NDNF: variants seen among roughly 807,000 people sequenced by gnomAD.
NDNF encodes the protein neuron derived neurotrophic factor.
Under a neutral mutation model 42.0 loss-of-function variants are expected in NDNF, and 16 were observed. The observed-to-expected ratio is 0.38, with a 90% CI of 0.26 to 0.58. The LOEUF (loss-of-function observed/expected upper bound fraction) is 0.58. Ranked by LOEUF, NDNF falls within the 20% of genes least tolerant of loss-of-function variation. The pLI is 0.67. For synonymous variants in NDNF, 248 were observed against 251.7 expected (o/e 0.99, Z 0.14); for missense variants, 616 against 666.2 (o/e 0.92, Z 0.83).
Position 121,037,413 on chromosome 4 carries a change from T to C in NDNF, c.558A>G (p.Ser186=). ...LPYDPRVDVT[S]LGRTTVTLAW... ...CCAAAGTGACCGTGGTGCGCCCCAG[T>C]GAGGTCACATCTACTCTTGGGTCAT... is the stretch of plus-strand genomic sequence containing the variant. Residue 186 remains serine, a synonymous_variant, in exon 4 of 4, where the codon TCA becomes TCG. Transcript: ENST00000379692. 10 of 1,614,128 alleles carry C rather than the reference T, an allele frequency of 6.2e-6. No homozygotes were observed. The highest frequency in any genetic ancestry group is 8.5e-6 in the Non-Finnish European group (10 of 1,180,006).
At chr4:121,065,490 C>G (rs1296896712) in intron 1 of NDNF, among the ~76,000 whole-genome samples, 1 of 151,840 alleles carries the variant, frequency 6.6e-6, no homozygotes. Context: ...AATTAAAAGA[C>G]AAGCTTTTAA....
At chr4:121,051,768 C>T (rs1727198721) in intron 1 of NDNF, among the ~76,000 whole-genome samples, 1 of 152,096 alleles carries the variant, frequency 6.6e-6, no homozygotes, top group Non-Finnish European at 1.5e-5. Context: ...ATAAATCTGG[C>T]TAATTTTTTT....
chr4:121,071,225 G>A (rs1237009294), intron 1 of NDNF, among the ~76,000 whole-genome samples: 1 of 152,134 alleles, frequency 6.6e-6, no homozygotes, highest in Non-Finnish European at 1.5e-5. Context: ...CGAGTCTCCT[G>A]GCTGGGGCCG....
Position 121,062,341 on chromosome 4 carries a change from C to T in NDNF, c.-2+9652G>A, listed in dbSNP as rs529724569. Among the ~76,000 whole-genome samples, 12 of 152,242 alleles carry T rather than the reference C, an allele frequency of 7.9e-5. No individual in the cohort carries two copies. In the South Asian group the frequency reaches 2.3e-3, roughly 29 times the overall value. On this transcript the variant is annotated intron_variant, in intron 1 of 3. Transcript: ENST00000379692. ...AAACTGATCAACACTGGTTCAAAGC[C>T]GAGCGTGCTTGGGCTTTTTAGGCAC... is the stretch of plus-strand genomic sequence containing the variant.
At chr4:121,039,145 G>A (rs34084522) in intron 3 of NDNF, among the ~76,000 whole-genome samples, 60,771 of 85,850 alleles carry the variant, frequency 0.71, 20,406 homozygotes, top group East Asian at 0.83. Context: ...ATATATATGT[G>A]TATATATATA....
intron 1 of NDNF, chr4:121,071,289 G>C (rs753846464): frequency 1.3e-5 from 2 of 152,160 alleles, no homozygotes; most frequent in Non-Finnish European, 2.9e-5. Context: ...GTATGAGCCG[G>C]TCCCAGGCCA....
intron 1 of NDNF, among the ~76,000 whole-genome samples, chr4:121,071,107 G>C (rs972075362): frequency 3.9e-5 from 6 of 152,266 alleles, no homozygotes; most frequent in Admixed American, 3.9e-4. Context: ...GCAATCACTC[G>C]TTCGGACTCC....
At chr4:121,037,839 A>G in intron 3 of NDNF, 182 bp from the exon 4 acceptor site, 1 of 500,704 alleles carries the variant, frequency 2.0e-6, no homozygotes, top group East Asian at 3.1e-5. Context: ...ATGTTCTTAT[A>G]TATGTGTAAG....
chr4:121,056,939 G>C (rs113427192), intron 1 of NDNF, among the ~76,000 whole-genome samples: 295 of 152,332 alleles, frequency 1.9e-3, no homozygotes, highest in Non-Finnish European at 3.4e-3. Context: ...CAACAGAAAA[G>C]AGCAAGTGTG....
intron 2 of NDNF, among the ~76,000 whole-genome samples, chr4:121,043,537 T>C (rs1200945670): frequency 6.6e-6 from 1 of 152,120 alleles, no homozygotes; most frequent in Non-Finnish European, 1.5e-5. Context: ...AAAGAATGAA[T>C]AAATGAGAGA....
intron 3 of NDNF, among the ~76,000 whole-genome samples, chr4:121,038,598 C>A (rs1348408147): frequency 6.6e-6 from 1 of 152,016 alleles, no homozygotes; most frequent in Non-Finnish European, 1.5e-5. Flanking sequence ...GAGAAGAAAC[C>A]TTTTCCAGCT....
chr4:121,070,356 C>A (rs957780726), intron 1 of NDNF, among the ~76,000 whole-genome samples: 2 of 152,182 alleles, frequency 1.3e-5, no homozygotes, highest in Non-Finnish European at 1.5e-5. Context: ...CAACCGCTCC[C>A]TTGGGAGGGA....
At chr4:121,051,818 A>G (rs183770487) in intron 1 of NDNF, among the ~76,000 whole-genome samples, 177 of 152,334 alleles carry the variant, frequency 1.2e-3, no homozygotes, top group Non-Finnish European at 2.0e-3. Flanking sequence ...ACATAAAACA[A>G]TTAAGACTTT....
intron 1 of NDNF, among the ~76,000 whole-genome samples, chr4:121,057,860 G>A (rs545585831): frequency 4.1e-4 from 62 of 152,256 alleles, no homozygotes; most frequent in Admixed American, 1.2e-3. Flanking sequence ...TTTGCTATCT[G>A]AGCTCTCCCT....
At chr4:121,067,519 T>C (rs553698011) in intron 1 of NDNF, among the ~76,000 whole-genome samples, 13 of 152,332 alleles carry the variant, frequency 8.5e-5, no homozygotes, top group African/African-American at 3.1e-4. Context: ...AAAGTTTCTA[T>C]ACTTTTCTCA....
chr4:121,044,146 A>G (rs1308841317), intron 2 of NDNF, among the ~76,000 whole-genome samples: 1 of 152,238 alleles, frequency 6.6e-6, no homozygotes, highest in Non-Finnish European at 1.5e-5. Context: ...ACAATAGTTC[A>G]CTCTAGTTAA....
rs145196851 is a variant in NDNF, at chr4:121,068,679, C to T, written c.-2+3314G>A. On this transcript the variant is annotated intron_variant, in intron 1 of 3. Transcript: ENST00000379692. ...ACTATAGGTGTATAGGTCCCCAAAG[C>T]AAGACCTGACAAGAAGGCAGGTAGC... Among the ~76,000 whole-genome samples, 38 of 152,116 alleles carry T rather than the reference C, an allele frequency of 2.5e-4. 1 individual carries two copies. In the East Asian group the frequency reaches 7.4e-3, roughly 29 times the overall value.
intron 3 of NDNF, among the ~76,000 whole-genome samples, chr4:121,039,155 A>ATATG (rs1553924231): frequency 6.2e-5 from 2 of 32,380 alleles, no homozygotes; most frequent in African/African-American, 9.5e-5. Context: ...GTATATATAT[A>ATATG]TGTATATATA....
At chr4:121,038,258 G>A (rs1726914054) in intron 3 of NDNF, 1 of 152,210 alleles carries the variant, frequency 6.6e-6, no homozygotes, top group African/African-American at 2.4e-5. Flanking sequence ...GGGAGGCTGA[G>A]GCAGGATTGC....
Sources: gnomAD v4.1 joint callset for allele counts (sites outside exome capture counted in the v4.1 genomes callset) on GRCh38, gnomAD v4.1.1 for gene constraint, MANE v1.5 for transcripts, NCBI Gene and HGNC (gene_info 2026-07-23, HGNC 2026-07-21) for gene names.